SOS2: variants seen among roughly 807,000 people sequenced by gnomAD.
The protein encoded by SOS2 is SOS Ras/Rho guanine nucleotide exchange factor 2.
SOS2 carries 65 observed loss-of-function variants against 148.2 expected under a neutral mutation model. The ratio of observed to expected loss-of-function variants is 0.44; its 90% CI spans 0.36 to 0.54. SOS2 has a LOEUF of 0.54. Among genes scored for constraint, SOS2 ranks in the 20% least tolerant of loss-of-function variants. The pLI is 0.00. For synonymous variants in SOS2, 539 were observed against 537.1 expected (o/e 1.00, Z -0.05); for missense variants, 1,341 against 1,590.2 (o/e 0.84, Z 2.67).
chr14:50,180,533 TAAAAAAAAAAA>T (rs199667374), intron 7 of SOS2, 28 bp downstream of exon 7: 2 of 405,854 alleles, frequency 4.9e-6, no homozygotes, highest in South Asian at 7.2e-5. Context: ...TTTGCTTTAT[TAAAAAAAAAAA>T]AAAAAAAAAC....
intron 1 of SOS2, among the ~76,000 whole-genome samples, chr14:50,220,400 C>A: frequency 4.1e-4 from 1 of 2,442 alleles, no homozygotes; most frequent in Non-Finnish European, 8.9e-4. Flanking sequence ...AGCGAGACTC[C>A]ATCTCAAAAA....
In SOS2 at chr14:50,134,141, G is replaced by T; in HGVS notation, c.3057C>A (p.Cys1019Ter). 1 of 1,565,438 alleles carries T rather than the reference G, an allele frequency of 6.4e-7. No homozygotes were observed. The highest frequency in any genetic ancestry group is 8.8e-7 in the Non-Finnish European group (1 of 1,138,402). ...NKSLEIEPRN[C>*]KQPPRFPRKS... ...GACTTACAAATCGAGGTGGCTGTTT[G>T]CAGTTTCGAGGTTCAATTTCTAGTG... The change falls in exon 19 of 23, where the codon TGC (cysteine) becomes TGA (stop). Residue 1019 changes from cysteine to a stop codon, truncating the protein, a stop_gained. Coordinates refer to ENST00000216373, the MANE Select transcript of SOS2 (RefSeq NM_006939.4). LOFTEE classifies it high-confidence loss of function.
At chr14:50,188,453 G>A in intron 5 of SOS2, 44 bp downstream of exon 5, 2 of 1,298,692 alleles carry the variant, frequency 1.5e-6, no homozygotes, top group Admixed American at 2.0e-5. Flanking sequence ...AGCTGGTCTG[G>A]TTTTTTGGGG....
chr14:50,138,431 G>A (rs1188743354), intron 18 of SOS2, among the ~76,000 whole-genome samples, 181 bp downstream of exon 18: 1 of 152,142 alleles, frequency 6.6e-6, no homozygotes, highest in Non-Finnish European at 1.5e-5. Flanking sequence ...AAAGTGCTGG[G>A]ATTACAGGCG....
rs558402126 is a variant in SOS2, at chr14:50,222,607, A to G, written c.87+8590T>C. On this transcript the variant is annotated intron_variant, in intron 1 of 22. Coordinates refer to ENST00000216373, the MANE Select transcript of SOS2 (RefSeq NM_006939.4). ...AGGTAAAAGGGCCAGCCACGTGATT[A>G]TCTGAGGGAAGGGTGTTTCAGGTAG... Among the ~76,000 whole-genome samples, 3 of 152,352 alleles carry G rather than the reference A, an allele frequency of 2.0e-5. No homozygotes were observed. The South Asian group carries it at 6.2e-4, about 32-fold the overall frequency.
intron 12 of SOS2, chr14:50,156,595 A>T (rs1884828910): frequency 6.6e-6 from 1 of 152,432 alleles, no homozygotes; most frequent in South Asian, 2.1e-4. Flanking sequence ...TATAAATTGT[A>T]AAAAAAGCCA....
intron 8 of SOS2, among the ~76,000 whole-genome samples, chr14:50,164,395 G>A (rs543210525): frequency 6.6e-6 from 1 of 152,064 alleles, no homozygotes; most frequent in African/African-American, 2.4e-5. Context: ...AGCTGAGATT[G>A]TGCCATTACA....
chr14:50,218,140 A>C (rs1162313220), intron 1 of SOS2, among the ~76,000 whole-genome samples: 1 of 136,664 alleles, frequency 7.3e-6, no homozygotes, highest in Non-Finnish European at 1.6e-5. Flanking sequence ...TCTTAAAAAC[A>C]AAAAAAAAAA....
At chr14:50,121,345 A>G (rs1046480985) in intron 21 of SOS2, among the ~76,000 whole-genome samples, 4 of 152,160 alleles carry the variant, frequency 2.6e-5, no homozygotes, top group African/African-American at 9.7e-5. Flanking sequence ...GGCAGCAACT[A>G]TGTCTTATTT....
At position 50,130,569 on chromosome 14, in the gene SOS2, G is replaced by A; in HGVS notation, c.3269C>T (p.Ser1090Phe). 6.2e-7 allele frequency: 1 copy of A among 1,613,706 alleles called. No homozygotes were observed. Among genetic ancestry groups the A allele is most frequent in the East Asian group, 2.2e-5 (1 of 44,880 alleles). ...VSAPTSPNTP[S>F]TPPVSASSDL... Reference sequence around the variant, plus strand: ...TGAAGAAGCAGATACTGGTGGAGTAGATGGTGTATTTGGAGAGGTTGGTGC... The same window carrying A: ...TGAAGAAGCAGATACTGGTGGAGTAAATGGTGTATTTGGAGAGGTTGGTGC... Residue 1090 changes from serine to phenylalanine, a missense_variant, in exon 20 of 23, where the codon TCT (serine) becomes TTT (phenylalanine). Physicochemically the swap from Ser to Phe is radical, Grantham distance 155 (BLOSUM62 -2). This residue lies in a region of SOS2 where 354 missense variants were observed against 347.7 expected (regional missense o/e 1.02). Coordinates refer to ENST00000216373, the MANE Select transcript of SOS2 (RefSeq NM_006939.4).
Position 50,204,423 on chromosome 14 carries a change from T to C in SOS2, c.88-14A>G. 6.6e-7 allele frequency: 1 copy of C among 1,517,876 alleles called. No homozygotes were observed. The highest frequency in any genetic ancestry group is 1.2e-5 in the South Asian group (1 of 82,460). The allele number at this position is 1,517,876 out of a possible 1,614,324, so 94.0% of individuals were successfully genotyped here. The stretch of plus-strand genomic sequence containing the variant: ...TTGTTCCTGAACCTTTAAAAAAAAG[T>C]TATCAGTTAAAGTAATGGCAAAATA... On this transcript the variant is annotated splice_polypyrimidine_tract_variant and intron_variant, in intron 1 of 22. Transcript: ENST00000216373.
chr14:50,200,279 G>T (rs769425187), intron 3 of SOS2, among the ~76,000 whole-genome samples: 4 of 151,134 alleles, frequency 2.6e-5, no homozygotes, highest in Non-Finnish European at 5.9e-5. Flanking sequence ...CAGGCGGGGC[G>T]GGGGGGGCTT....
At chr14:50,122,539 T>G (rs1485299552) in intron 21 of SOS2, among the ~76,000 whole-genome samples, 2 of 151,948 alleles carry the variant, frequency 1.3e-5, no homozygotes, top group Non-Finnish European at 2.9e-5. Flanking sequence ...TATGTCTGAG[T>G]GTTTTCTTAT....
At chr14:50,171,793 T>C (rs916824365) in intron 8 of SOS2, among the ~76,000 whole-genome samples, 7 of 152,158 alleles carry the variant, frequency 4.6e-5, no homozygotes, top group African/African-American at 1.7e-4. Context: ...CAAAGTTTAT[T>C]TGTAAGCGTC....
intron 1 of SOS2, among the ~76,000 whole-genome samples, chr14:50,220,839 G>A (rs1887182082): frequency 6.6e-6 from 1 of 152,164 alleles, no homozygotes; most frequent in Non-Finnish European, 1.5e-5. Flanking sequence ...TGTCATCAAA[G>A]TTTTCTTTGA....
At chr14:50,217,814 G>A (rs1012505375) in intron 1 of SOS2, among the ~76,000 whole-genome samples, 1 of 151,972 alleles carries the variant, frequency 6.6e-6, no homozygotes, top group African/African-American at 2.4e-5. Flanking sequence ...AAATTAGCTG[G>A]GCGTGGTGGC....
intron 16 of SOS2, among the ~76,000 whole-genome samples, chr14:50,143,859 A>G (rs1191851472): frequency 5.2e-5 from 7 of 135,308 alleles, no homozygotes; most frequent in African/African-American, 1.7e-4. Context: ...TGGTCTCCCT[A>G]TGTTGCCCAG....
chr14:50,211,500 T>C (rs868621776), intron 1 of SOS2, among the ~76,000 whole-genome samples: 3 of 152,026 alleles, frequency 2.0e-5, no homozygotes, highest in African/African-American at 4.8e-5. Flanking sequence ...TTTATGTCCA[T>C]GGGTACCCCA....
intron 21 of SOS2, 55 bp from the exon 22 acceptor site, chr14:50,120,439 A>G: frequency 1.2e-6 from 1 of 840,070 alleles, no homozygotes; most frequent in Non-Finnish European, 2.0e-6. Flanking sequence ...ATAAACCTTT[A>G]TCACAATTTG....
Sources: gnomAD v4.1 joint callset for allele counts (sites outside exome capture counted in the v4.1 genomes callset) on GRCh38, gnomAD v4.1.1 for gene constraint, gnomAD v4.1.1 regional missense constraint, MANE v1.5 for transcripts, NCBI Gene and HGNC (gene_info 2026-07-23, HGNC 2026-07-21) for gene names.